The following SIGLEC1 variants were observed in gnomAD, a reference collection of about 807,000 sequenced individuals.
SIGLEC1 encodes the protein sialoadhesin.
In SIGLEC1, 132 loss-of-function variants were observed where a neutral mutation model predicts 148.0. The ratio of observed to expected loss-of-function variants is 0.89; its 90% CI spans 0.77 to 1.03. The LOEUF (loss-of-function observed/expected upper bound fraction) is 1.03, where lower values mean the gene tolerates loss of function less well. SIGLEC1 is among the 50% of genes least tolerant of loss of function. SIGLEC1 has a pLI of 0.00. For missense variants in SIGLEC1, 2,253 were observed against 2,271.4 expected (o/e 0.99, Z 0.16); for synonymous variants, 945 against 969.0 (o/e 0.98, Z 0.46).
intron 11 of SIGLEC1, among the ~76,000 whole-genome samples, chr20:3,695,747 C>T (rs2146522960): frequency 6.6e-6 from 1 of 152,238 alleles, no homozygotes; most frequent in Middle Eastern, 3.4e-3. Flanking sequence ...GTGGAAGAAA[C>T]ACTCATGTTC....
chr20:3,705,750 C>T lies in SIGLEC1; in HGVS notation c.700G>A (p.Val234Met). Residue 234 changes from valine to methionine, a missense_variant, in exon 4 of 22, where the codon GTG becomes ATG. Val to Met is a conservative substitution (Grantham distance 21). Transcript: ENST00000344754. ...HRAQSEIHLQVKYAPKGVKIL... is the reference protein window; with the variant it reads ...HRAQSEIHLQMKYAPKGVKIL... ...GTGTCCCCAGACAACTCACACTTCACTTGGAGGTGAATCTCGCTCTGAGCC... is the reference window on the plus strand; with the variant it reads ...GTGTCCCCAGACAACTCACACTTCATTTGGAGGTGAATCTCGCTCTGAGCC... The T allele has an allele frequency of 6.2e-7, 1 of 1,605,056 alleles. No individual in the cohort carries two copies. The highest frequency in any genetic ancestry group is 8.5e-7 in the Non-Finnish European group (1 of 1,173,486).
chr20:3,696,129 TACACACACAC>T (rs914096430), intron 11 of SIGLEC1, among the ~76,000 whole-genome samples: 1 of 142,426 alleles, frequency 7.0e-6, no homozygotes, highest in Non-Finnish European at 1.5e-5. Flanking sequence ...ACTATATATA[TACACACACAC>T]AAACACACAC....
At position 3,697,139 on chromosome 20, in the gene SIGLEC1, T is replaced by G; in HGVS notation, c.2326A>C (p.Ile776Leu). 1 of 1,613,562 alleles carries G rather than the reference T, an allele frequency of 6.2e-7. No homozygotes were observed. The highest frequency in any genetic ancestry group is 8.5e-7 in the Non-Finnish European group (1 of 1,180,022). ...RTDAALYACR[I>L]LTEAGAQLST... The stretch of plus-strand genomic sequence containing the variant: ...AGCTGGGCACCAGCCTCAGTCAGGA[T>G]GCGGCAGGCGTAAAGGGCAGCATCA... The change falls in exon 10 of 22, where the codon ATC (isoleucine) becomes CTC (leucine). Residue 776 changes from isoleucine (I) to leucine (L), a missense_variant. By Grantham distance (5) the Ile-to-Leu change is conservative (BLOSUM62 2). Transcript: ENST00000344754.
Position 3,689,221 on chromosome 20 carries a change from C to T in SIGLEC1, c.5004G>A (p.Arg1668=). The part of the protein sequence containing the change: ...GLGACYTWRR[R]RVCKQSMGEN... ...CGCCCATGCTCTGCTTACAAACACG[C>T]CTCCTTCTGCAAGGCCCGGAGTGGA... The change falls in exon 21 of 22, where the codon AGG becomes AGA. Residue 1668 remains arginine (R), a synonymous_variant. Transcript: ENST00000344754. 1 of 1,614,142 alleles carries T rather than the reference C, an allele frequency of 6.2e-7. No homozygotes were observed. The highest frequency in any genetic ancestry group is 8.5e-7 in the Non-Finnish European group (1 of 1,179,980).
At chr20:3,701,251 T>C in intron 7 of SIGLEC1, 91 bp downstream of exon 7, 1 of 1,224,128 alleles carries the variant, frequency 8.2e-7, no homozygotes, top group South Asian at 1.5e-5. Context: ...AGTCCTGCGG[T>C]TGAGTCCACT....
chr20:3,696,802 G>C lies in SIGLEC1; in HGVS notation c.2467C>G (p.Pro823Ala), dbSNP rs2087804870. The C allele has an allele frequency of 1.2e-6, 2 of 1,611,634 alleles. No homozygotes were observed. The highest frequency in any genetic ancestry group is 1.7e-6 in the Non-Finnish European group (2 of 1,179,052). ...TGGAACAAGGCCAGCAAGGCCAGGG[G>C]GCGGCTGTCCACAGTGCAGATGAAC... ...ALFICTVDSR[P>A]LALLALFHGE... Residue 823 changes from proline to alanine, a missense_variant, in exon 11 of 22, where the codon CCC (proline) becomes GCC (alanine). Physicochemically the swap from Pro to Ala is conservative, Grantham distance 27. Coordinates refer to ENST00000344754, the MANE Select transcript of SIGLEC1 (RefSeq NM_023068.4).
Position 3,691,349 on chromosome 20 carries a change from G to A in SIGLEC1, c.4582C>T (p.Arg1528Cys), listed in dbSNP as rs776119984. The A allele has an allele frequency of 3.8e-5, 61 of 1,613,396 alleles. No individual in the cohort carries two copies. Among genetic ancestry groups the A allele is most frequent in the Non-Finnish European group, 4.7e-5 (56 of 1,180,032 alleles). Residue 1528 changes from arginine (R) to cysteine (C), a missense_variant, in exon 18 of 22, where the codon CGT (arginine) becomes TGT (cysteine). Physicochemically the swap from Arg to Cys is radical, Grantham distance 180. Transcript: ENST00000344754. Reference sequence around the variant, plus strand: ...GGGGGTTCACACTCACAGAGCACACGGAGCATGACTGGAGCAGAGGCAGCA... The same window carrying A: ...GGGGGTTCACACTCACAGAGCACACAGAGCATGACTGGAGCAGAGGCAGCA... ...GAAASAPVMLRVLYPPKTPTM... is the reference protein window; with the variant it reads ...GAAASAPVMLCVLYPPKTPTM...
Position 3,688,198 on chromosome 20 carries a change from T to C in SIGLEC1, c.*362A>G. 1 of 341,216 alleles carries C rather than the reference T, an allele frequency of 2.9e-6. No homozygotes were observed. The highest frequency in any genetic ancestry group is 2.4e-5 in the South Asian group (1 of 41,324). The allele number at this position is 341,216 out of a possible 1,614,324, so 21.1% of individuals were successfully genotyped here. ...AATACAGAATGCCTTGGTGAGCCTC[T>C]GAGGATGCAGGATGCTGCAATCCAA... On this transcript the variant is annotated 3_prime_UTR_variant, in exon 22 of 22. Coordinates refer to ENST00000344754, the MANE Select transcript of SIGLEC1 (RefSeq NM_023068.4).
At position 3,698,026 on chromosome 20, in the gene SIGLEC1, C is replaced by G; in HGVS notation, c.1894G>C (p.Ala632Pro). 6.2e-7 allele frequency: 1 copy of G among 1,608,914 alleles called. No individual in the cohort carries two copies. The highest frequency in any genetic ancestry group is 1.1e-5 in the South Asian group (1 of 90,580). ...LLCRVDSDPP[A>P]RLQLLHKDRV... ...TCCTTGTGGAGCAGCTGCAGCCTGG[C>G]GGGGGGGTCGCTGTCCACACGGCAC... The change falls in exon 9 of 22, where the codon GCC (alanine) becomes CCC (proline). Residue 632 changes from alanine to proline, a missense_variant. By Grantham distance (27) the Ala-to-Pro change is conservative. Transcript: ENST00000344754.
intron 1 of SIGLEC1, among the ~76,000 whole-genome samples, chr20:3,708,268 G>A (rs1004636178): frequency 2.0e-5 from 3 of 152,136 alleles, no homozygotes; most frequent in African/African-American, 7.2e-5. Flanking sequence ...CTCAACCATG[G>A]AGTGCCCCTG....
intron 6 of SIGLEC1, among the ~76,000 whole-genome samples, 176 bp from the exon 7 acceptor site, chr20:3,701,817 C>T (rs1477500080): frequency 2.0e-5 from 3 of 152,146 alleles, no homozygotes; most frequent in Admixed American, 6.6e-5. Flanking sequence ...GGGCTGGGTA[C>T]GTCACTCTGT....
rs11087599 is a variant in SIGLEC1 at position 3,696,129 on chromosome 20, T to TATATATATAC, written c.2683+456_2683+457insGTATATATAT. On this transcript the variant is annotated intron_variant, in intron 11 of 21. Transcript: ENST00000344754. Reference sequence around the variant, plus strand: ...AGGATTTTTATAGAGACTATATATATACACACACACAAACACACACACACA... The same window carrying TATATATATAC: ...AGGATTTTTATAGAGACTATATATATATATATATACACACACACACAAACACACACACACA... 3.3e-3 allele frequency among the ~76,000 whole-genome samples: 471 copies of TATATATATAC among 142,496 alleles called. 1 individual carries two copies. The highest frequency in any genetic ancestry group is 0.012 in the African/African-American group (455 of 36,560). 93.5% of individuals were successfully genotyped at this position (142,496 alleles called of 152,430 possible).
In SIGLEC1 at chr20:3,691,677, G is replaced by A. The variant is rs2088765001; in HGVS notation, c.4331-77C>T. The A allele has an allele frequency of 1.1e-5, 17 of 1,540,062 alleles. No individual in the cohort carries two copies. In the South Asian group the frequency reaches 1.6e-4, roughly 14 times the overall value. On this transcript the variant is annotated intron_variant, in intron 17 of 21. Transcript: ENST00000344754. ...GGAGCCTCTGGGTGGGACCTCTGAG[G>A]GGCCTCTGCACATTGTGGGAAGGTC...
intron 10 of SIGLEC1, 44 bp downstream of exon 10, chr20:3,697,041 C>T: frequency 6.3e-7 from 1 of 1,595,434 alleles, no homozygotes. Flanking sequence ...CCAGACCACC[C>T]CTCCACCCTC....
intron 4 of SIGLEC1, 90 bp downstream of exon 4, chr20:3,705,654 G>T: frequency 1.8e-5 from 25 of 1,403,086 alleles, no homozygotes; most frequent in Non-Finnish European, 2.3e-5. Context: ...CAGGAGCAAG[G>T]GTTCCGTTTC....
intron 11 of SIGLEC1, among the ~76,000 whole-genome samples, chr20:3,695,221 T>C (rs918087305): frequency 3.3e-5 from 5 of 152,338 alleles, no homozygotes; most frequent in African/African-American, 1.2e-4. Flanking sequence ...TTGTGTGACC[T>C]GTAACCCCAG....
intron 21 of SIGLEC1, 145 bp from the exon 22 acceptor site, chr20:3,688,764 G>C (rs1325047218): frequency 6.3e-6 from 4 of 637,666 alleles, no homozygotes; most frequent in Non-Finnish European, 8.2e-6. Context: ...CCTACCAGGT[G>C]AATCAGCTGC....
chr20:3,697,036 C>T, intron 10 of SIGLEC1, 49 bp downstream of exon 10: 1 of 1,557,544 alleles, frequency 6.4e-7, no homozygotes, highest in Non-Finnish European at 8.7e-7. Context: ...TCTCCCCAGA[C>T]CACCCCTCCA....
intron 7 of SIGLEC1, 119 bp downstream of exon 7, chr20:3,701,222 TG>T: frequency 1.1e-6 from 1 of 927,786 alleles, no homozygotes; most frequent in African/African-American, 1.7e-5. Flanking sequence ...GTCTTTTATG[TG>T]GCGTAGCCAG....
Sources: gnomAD v4.1 joint callset for allele counts (sites outside exome capture counted in the v4.1 genomes callset) on GRCh38, gnomAD v4.1.1 for gene constraint, MANE v1.5 for transcripts, NCBI Gene and HGNC (gene_info 2026-07-23, HGNC 2026-07-21) for gene names.